CAST: variants seen among roughly 807,000 people sequenced by gnomAD.
CAST encodes the protein calpastatin.
In CAST, 76 loss-of-function variants were observed where a neutral mutation model predicts 119.6. That is an observed-to-expected ratio of 0.64 (90% CI 0.53 to 0.77). The LOEUF (loss-of-function observed/expected upper bound fraction) is 0.77. Ranked by LOEUF, CAST falls within the 30% of genes least tolerant of loss-of-function variation. The pLI is 0.00. For synonymous variants in CAST, 319 were observed against 331.6 expected, an observed-to-expected ratio of 0.96 and a Z score of 0.41; for missense variants, 953 against 946.5, an observed-to-expected ratio of 1.01 and a Z score of -0.09.
In CAST at chr5:96,606,571, A is replaced by C. The variant is rs561383518; in HGVS notation, c.61-68968A>C. On this transcript the variant is annotated intron_variant, in intron 1 of 11. Transcript: ENST00000505143. ...GCAAACTTAGGCCTGCTTCAGCCTT[A>C]TAAATATCTGTTTCCTGGTTCTCGT... 3.3e-5 allele frequency among the ~76,000 whole-genome samples: 5 copies of C among 152,256 alleles called. No individual in the cohort carries two copies. In the East Asian group the frequency reaches 7.7e-4, roughly 23 times the overall value.
At chr5:96,329,921 C>T in the CAST span, among the ~76,000 whole-genome samples, 11 of 152,200 alleles carry the variant, frequency 7.2e-5, no homozygotes, top group Admixed American at 3.3e-4. Context: ...AGAAGCATAA[C>T]TCTATTTTCT....
the CAST span, among the ~76,000 whole-genome samples, chr5:96,481,001 T>C: frequency 6.6e-6 from 1 of 152,278 alleles, no homozygotes; most frequent in Non-Finnish European, 1.5e-5. Flanking sequence ...AAGAACAAGA[T>C]TGTCACTGAA....
At chr5:96,328,382 C>CTCTCTCTCTCTCTCTCTCTCTCT in the CAST span, among the ~76,000 whole-genome samples, 4 of 18,940 alleles carry the variant, frequency 2.1e-4, 1 homozygote, top group East Asian at 9.0e-4. Flanking sequence ...CTTCTCTCTC[C>CTCTCTCTCTCTCTCTCTCTCTCT]CTCTCTCTCT....
At chr5:96,209,791 T>C in the CAST span, among the ~76,000 whole-genome samples, 1 of 151,860 alleles carries the variant, frequency 6.6e-6, no homozygotes, top group East Asian at 1.9e-4. Flanking sequence ...TTGGAAAATC[T>C]GAAGACTGTG....
chr5:96,051,568 G>A, the CAST span, among the ~76,000 whole-genome samples: 1 of 152,078 alleles, frequency 6.6e-6, no homozygotes, highest in Non-Finnish European at 1.5e-5. Context: ...TTTGCCCCTT[G>A]TAAAGTTCTC....
chr5:96,748,639 T>G, intron 19 of CAST, 26 bp downstream of exon 19: 5 of 1,145,146 alleles, frequency 4.4e-6, no homozygotes, highest in Non-Finnish European at 6.6e-6. Flanking sequence ...TATAAATCTC[T>G]AGTTTTGAGG....
At chr5:96,681,254 A>C (rs1751380480) in intron 2 of CAST, among the ~76,000 whole-genome samples, 1 of 152,170 alleles carries the variant, frequency 6.6e-6, no homozygotes, top group Non-Finnish European at 1.5e-5. Context: ...CATCAATACA[A>C]AATTGTACAA....
intron 12 of CAST, 98 bp downstream of exon 12, chr5:96,740,216 A>G: frequency 3.1e-6 from 2 of 647,774 alleles, no homozygotes. Flanking sequence ...AGAAAATATA[A>G]TGGTGCTTGT....
At chr5:96,308,913 C>T in the CAST span, 7 of 152,442 alleles carry the variant, frequency 4.6e-5, no homozygotes, top group Non-Finnish European at 8.8e-5. Flanking sequence ...AGAGGTGTTT[C>T]CCAGTCAGGA....
At chr5:96,660,068 T>A (rs562314671), upstream of CAST, among the ~76,000 whole-genome samples, 1 of 152,354 alleles carries the variant, frequency 6.6e-6, no homozygotes, top group South Asian at 2.1e-4. Flanking sequence ...ATACCTAATA[T>A]ATCATGTATT....
At chr5:96,439,779 T>C in the CAST span, among the ~76,000 whole-genome samples, 6 of 152,172 alleles carry the variant, frequency 3.9e-5, no homozygotes, top group Admixed American at 3.9e-4. Flanking sequence ...CTCACCTCCC[T>C]CCAGTGAACA....
chr5:96,151,140 T>G, the CAST span, among the ~76,000 whole-genome samples: 1 of 152,158 alleles, frequency 6.6e-6, no homozygotes, highest in Non-Finnish European at 1.5e-5. Flanking sequence ...ACAGACTATT[T>G]GTTTAAGACT....
chr5:96,737,982 C>A, intron 11 of CAST, 35 bp downstream of exon 11: 1 of 1,226,524 alleles, frequency 8.2e-7, no homozygotes, highest in South Asian at 1.2e-5. Flanking sequence ...AATTCATACT[C>A]AGTGGGTAGG....
At chr5:96,489,910 A>C in the CAST span, among the ~76,000 whole-genome samples, 1 of 152,214 alleles carries the variant, frequency 6.6e-6, no homozygotes, top group Admixed American at 6.5e-5. Flanking sequence ...ATAAGAAAGG[A>C]GCTATGTTTT....
At chr5:96,110,091 C>T in the CAST span, among the ~76,000 whole-genome samples, 1 of 152,160 alleles carries the variant, frequency 6.6e-6, no homozygotes. Context: ...AGATACATCT[C>T]CAGTTCCCAA....
chr5:96,505,661 G>A, the CAST span, among the ~76,000 whole-genome samples: 2 of 152,172 alleles, frequency 1.3e-5, no homozygotes, highest in Admixed American at 1.3e-4. Context: ...CCCTGCTTCT[G>A]TGCACTGAGC....
chr5:96,208,311 A>T, the CAST span, among the ~76,000 whole-genome samples: 1 of 151,118 alleles, frequency 6.6e-6, no homozygotes, highest in Non-Finnish European at 1.5e-5. Flanking sequence ...GCTTTTCTGC[A>T]TCTTAATTTC....
At chr5:96,305,682 A>C in the CAST span, among the ~76,000 whole-genome samples, 349 of 152,282 alleles carry the variant, frequency 2.3e-3, 2 homozygotes, top group Non-Finnish European at 3.5e-3. Flanking sequence ...AATTTTGTCG[A>C]AGGCCTTTTC....
At chr5:96,580,962 A>G (rs1051237342) in intron 1 of CAST, among the ~76,000 whole-genome samples, 1 of 152,230 alleles carries the variant, frequency 6.6e-6, no homozygotes, top group African/African-American at 2.4e-5. Flanking sequence ...TGAGGACACA[A>G]TGAGAAGGCA....
Sources: allele counts gnomAD v4.1 joint callset (sites outside exome capture counted in the v4.1 genomes callset), GRCh38; gene constraint gnomAD v4.1.1; transcripts MANE v1.5; gene names NCBI Gene and HGNC (gene_info 2026-07-23, HGNC 2026-07-21).